Variants in IPO7 observed in about 807,000 individuals in gnomAD.
IPO7 encodes importin 7.
A neutral mutation model predicts 136.4 loss-of-function variants in IPO7; 13 were observed. The ratio of observed to expected loss-of-function variants is 0.10; its 90% confidence interval spans 0.06 to 0.15. The LOEUF is 0.15. Ranked by LOEUF, IPO7 falls within the 10% of genes least tolerant of loss-of-function variation. IPO7 has a pLI of 1.00. For synonymous variants in IPO7, 403 were observed against 404.4 expected (o/e 1.00, Z 0.04); for missense variants, 857 against 1,240.6 (o/e 0.69, Z 4.65).
At position 9,417,486 on chromosome 11, in the gene IPO7, C is replaced by T. The variant is rs530517620; in HGVS notation, c.726+338C>T. ...GCCTAGTTAATTTGTCAGATGCCCACGTACAGAGGAAGAGGAAGAACTTGA... is the reference window on the plus strand; with the variant it reads ...GCCTAGTTAATTTGTCAGATGCCCATGTACAGAGGAAGAGGAAGAACTTGA... On this transcript the variant is annotated intron_variant, in intron 6 of 24. Coordinates refer to ENST00000379719, the MANE Select transcript of IPO7 (RefSeq NM_006391.3). 1.6e-4 allele frequency among the ~76,000 whole-genome samples: 25 copies of T among 152,076 alleles called. No homozygotes were observed. The East Asian group carries it at 3.3e-3, about 20-fold the overall frequency.
chr11:9,433,336 C>T lies in IPO7; in HGVS notation c.1882-234C>T, dbSNP rs1855326556. 9 of 483,156 alleles carry T rather than the reference C, an allele frequency of 1.9e-5. 1 individual carries two copies. The South Asian group carries it at 2.2e-4, about 12-fold the overall frequency. The allele number at this position is 483,156 out of a possible 1,614,324, so 29.9% of individuals were successfully genotyped here. On this transcript the variant is annotated intron_variant, in intron 16 of 24. Transcript: ENST00000379719. ...GCATTTTTCGAGAATGTTGTTTTTT[C>T]CTTTTTAGGTAAATTAAGCTAGCCA...
At chr11:9,387,932 G>A (rs1259414509) in intron 1 of IPO7, among the ~76,000 whole-genome samples, 1 of 150,268 alleles carries the variant, frequency 6.7e-6, no homozygotes, top group African/African-American at 2.4e-5. Context: ...CGGATCACCT[G>A]AGGTTGGGAG....
At chr11:9,387,185 T>G (rs1440300634) in intron 1 of IPO7, among the ~76,000 whole-genome samples, 1 of 152,224 alleles carries the variant, frequency 6.6e-6, no homozygotes, top group East Asian at 1.9e-4. Context: ...CCAGTGAAGC[T>G]GTGTTTTGGT....
At chr11:9,394,028 G>A (rs1030160439) in intron 1 of IPO7, among the ~76,000 whole-genome samples, 20 of 151,952 alleles carry the variant, frequency 1.3e-4, no homozygotes, top group African/African-American at 3.4e-4. Context: ...GACTACAAGC[G>A]TGCGCCACCA....
intron 1 of IPO7, among the ~76,000 whole-genome samples, chr11:9,391,355 G>A (rs977348340): frequency 6.6e-6 from 1 of 151,534 alleles, no homozygotes; most frequent in Non-Finnish European, 1.5e-5. Flanking sequence ...CCAAGATCAC[G>A]TCATTGCATT....
intron 19 of IPO7, among the ~76,000 whole-genome samples, 163 bp downstream of exon 19, chr11:9,435,194 A>C (rs2133761776): frequency 6.6e-6 from 1 of 152,342 alleles, no homozygotes; most frequent in East Asian, 1.9e-4. Flanking sequence ...TAGATGCCAC[A>C]GTTTTGATAA....
rs1855021315 is a variant in IPO7 at position 9,415,045 on chromosome 11, C to T, written c.636+634C>T. On this transcript the variant is annotated intron_variant, in intron 5 of 24. Transcript: ENST00000379719. ...GGAATTAATGAATCTGGGCCGGGCA[C>T]TGTGACTCACACCTGTAATCCCAGC... Among the ~76,000 whole-genome samples the T allele has an allele frequency of 2.0e-5, 3 of 152,044 alleles. No individual in the cohort carries two copies. In the South Asian group the frequency reaches 6.2e-4, roughly 32 times the overall value.
At chr11:9,398,686 A>G (rs1854750099) in intron 1 of IPO7, among the ~76,000 whole-genome samples, 1 of 152,264 alleles carries the variant, frequency 6.6e-6, no homozygotes, top group African/African-American at 2.4e-5. Flanking sequence ...TGATCAAATC[A>G]GGGTAATTAG....
At chr11:9,439,251 G>T (rs1378197965) in intron 22 of IPO7, among the ~76,000 whole-genome samples, 3 of 152,114 alleles carry the variant, frequency 2.0e-5, no homozygotes, top group Non-Finnish European at 2.9e-5. Context: ...AGATAGCTGG[G>T]ATTATAGGCA....
chr11:9,410,027 T>C lies in IPO7; in HGVS notation c.420T>C (p.Asp140=). The change falls in exon 4 of 25, where the codon GAT becomes GAC. Residue 140 remains aspartate, a synonymous_variant. Transcript: ENST00000379719. ...AAATTGGCTTTTATCTTCAGTCCGATAACAGTGCTTGTTGGCTAGGAATTC... is the reference window on the plus strand; with the variant it reads ...AAATTGGCTTTTATCTTCAGTCCGACAACAGTGCTTGTTGGCTAGGAATTC... The part of the protein sequence containing the change: ...VDKIGFYLQS[D]NSACWLGILL... 1.9e-6 allele frequency: 3 copies of C among 1,605,656 alleles called. No individual in the cohort carries two copies. The highest frequency in any genetic ancestry group is 2.5e-6 in the Non-Finnish European group (3 of 1,176,952).
intron 3 of IPO7, among the ~76,000 whole-genome samples, chr11:9,409,669 CA>C (rs911808623): frequency 7.9e-5 from 12 of 152,172 alleles, no homozygotes; most frequent in Non-Finnish European, 1.5e-4. Context: ...TGAGCCACCG[CA>C]CCCAGCCTAA....
intron 10 of IPO7, among the ~76,000 whole-genome samples, chr11:9,424,365 G>A (rs1454106709): frequency 6.6e-6 from 1 of 152,178 alleles, no homozygotes; most frequent in East Asian, 1.9e-4. Flanking sequence ...CATCAGTAGT[G>A]TTTCATACAT....
At chr11:9,434,807 CA>C (rs1472142679) in intron 18 of IPO7, 126 bp from the exon 19 acceptor site, 20 of 691,016 alleles carry the variant, frequency 2.9e-5, no homozygotes, top group East Asian at 5.4e-5. Flanking sequence ...CCCCTCCCCC[CA>C]AAAAAAGGTG....
chr11:9,444,080 G>T (rs1855494990), intron 24 of IPO7, among the ~76,000 whole-genome samples: 1 of 151,900 alleles, frequency 6.6e-6, no homozygotes, highest in African/African-American at 2.4e-5. Context: ...TTTGAGAGCA[G>T]CCTGGCCAAC....
intron 5 of IPO7, among the ~76,000 whole-genome samples, chr11:9,415,072 C>T (rs1855021748): frequency 6.6e-6 from 1 of 151,956 alleles, no homozygotes; most frequent in Non-Finnish European, 1.5e-5. Flanking sequence ...AATCCCAGCA[C>T]TTTGGGAGGC....
chr11:9,431,026 C>G, intron 16 of IPO7, 23 bp downstream of exon 16: 1 of 1,603,720 alleles, frequency 6.2e-7, no homozygotes, highest in Non-Finnish European at 8.5e-7. Context: ...TCTAGTGTTG[C>G]AGTTTTTCAA....
chr11:9,429,338 C>A (rs938358731), intron 14 of IPO7, 142 bp downstream of exon 14: 40 of 698,046 alleles, frequency 5.7e-5, no homozygotes, highest in Non-Finnish European at 8.7e-5. Context: ...AACATCTCTA[C>A]AAAAAAAATT....
rs1855446431 is a variant in IPO7 at position 9,440,436 on chromosome 11, TTA to T, written c.2696-15_2696-14del. 3 of 1,586,496 alleles carry T rather than the reference TTA, an allele frequency of 1.9e-6. No individual in the cohort carries two copies. The highest frequency in any genetic ancestry group is 1.3e-5 in the African/African-American group (1 of 74,478). On this transcript the variant is annotated splice_polypyrimidine_tract_variant and intron_variant, in intron 22 of 24. Coordinates refer to ENST00000379719, the MANE Select transcript of IPO7 (RefSeq NM_006391.3). ...AAATATGTCATTGTTATAAAAGTACTTATATTATGACTTGGCAGAGGAACTGG... is the reference window on the plus strand; with the variant it reads ...AAATATGTCATTGTTATAAAAGTACTTATTATGACTTGGCAGAGGAACTGG...
chr11:9,385,465 TC>T (rs991618945), intron 1 of IPO7, among the ~76,000 whole-genome samples: 1 of 152,218 alleles, frequency 6.6e-6, no homozygotes, highest in African/African-American at 2.4e-5. Flanking sequence ...TCCCTGCTTT[TC>T]CGCTGTCCTA....
Sources: gnomAD v4.1 joint callset for allele counts (sites outside exome capture counted in the v4.1 genomes callset) on GRCh38, gnomAD v4.1.1 for gene constraint, MANE v1.5 for transcripts, NCBI Gene and HGNC (gene_info 2026-07-23, HGNC 2026-07-21) for gene names.